Variants in ESRRG observed in about 807,000 individuals in gnomAD.
The protein encoded by ESRRG is estrogen-related receptor gamma.
Under a neutral mutation model 44.0 loss-of-function variants are expected in ESRRG, and 13 were observed. The observed-to-expected ratio is 0.30, with a 90% CI of 0.19 to 0.47. ESRRG has a LOEUF of 0.47. ESRRG is among the 20% of genes least tolerant of loss of function. ESRRG has a pLI of 1.00. For synonymous variants in ESRRG, 215 were observed against 214.6 expected, an observed-to-expected ratio of 1.00 and a Z score of -0.02; for missense variants, 395 against 580.6, an observed-to-expected ratio of 0.68 and a Z score of 3.29.
intron 3 of ESRRG, among the ~76,000 whole-genome samples, chr1:216,644,676 A>G (rs1004607713): frequency 6.6e-6 from 1 of 151,664 alleles, no homozygotes; most frequent in Non-Finnish European, 1.5e-5. Context: ...TACTCAAGCA[A>G]CCCTCCCACC....
intron 2 of ESRRG, among the ~76,000 whole-genome samples, chr1:216,832,037 G>C (rs1266317334): frequency 2.0e-5 from 3 of 152,142 alleles, no homozygotes; most frequent in Non-Finnish European, 4.4e-5. Context: ...GGTGCCCACA[G>C]GTCCCTCTGG....
intron 2 of ESRRG, among the ~76,000 whole-genome samples, chr1:216,834,024 C>T (rs995728482): frequency 9.2e-5 from 14 of 152,134 alleles, no homozygotes; most frequent in East Asian, 7.7e-4. Flanking sequence ...CAAACAACAG[C>T]GCTGCAGTGA....
intron 1 of ESRRG, among the ~76,000 whole-genome samples, chr1:216,996,486 G>T (rs1359030852): frequency 6.6e-6 from 1 of 151,274 alleles, no homozygotes. Flanking sequence ...AGGGAGAAAT[G>T]GAATATAGTA....
chr1:217,069,744 C>T (rs1290525929), intron 1 of ESRRG, among the ~76,000 whole-genome samples: 1 of 152,154 alleles, frequency 6.6e-6, no homozygotes, highest in Non-Finnish European at 1.5e-5. Flanking sequence ...TCGGCCACAT[C>T]ACAGAAGCAG....
rs2040732658 is a variant in ESRRG, at chr1:216,503,729, TATC to T, written c.*3207_*3209del. On this transcript the variant is annotated 3_prime_UTR_variant, in exon 7 of 7. Transcript: ENST00000408911. ...TTTAAATTTTTTATATCTTTTATGT[TATC>T]ATTTAAATGCAAAATAGTGGAATAA... 1.3e-5 allele frequency: 2 copies of T among 152,594 alleles called. No homozygotes were observed. Among genetic ancestry groups the T allele is most frequent in the Non-Finnish European group, 2.9e-5 (2 of 68,012 alleles). The allele number at this position is 152,594 out of a possible 1,614,324, so 9.5% of individuals were successfully genotyped here.
At chr1:216,568,883 T>C (rs2060162211) in intron 3 of ESRRG, among the ~76,000 whole-genome samples, 2 of 151,914 alleles carry the variant, frequency 1.3e-5, no homozygotes, top group African/African-American at 2.4e-5. Flanking sequence ...GAAGAAACCC[T>C]GTCTCTACTA....
intron 2 of ESRRG, among the ~76,000 whole-genome samples, chr1:216,810,109 G>T (rs1468735169): frequency 6.6e-6 from 1 of 152,092 alleles, no homozygotes; most frequent in Admixed American, 6.6e-5. Context: ...AATCTTTTAT[G>T]AGTGGTGGTG....
At chr1:217,038,157 C>T (rs1274236387) in intron 1 of ESRRG, among the ~76,000 whole-genome samples, 1 of 152,216 alleles carries the variant, frequency 6.6e-6, no homozygotes, top group Non-Finnish European at 1.5e-5. Flanking sequence ...CACCGCTCCA[C>T]TAGGCAGTGC....
chr1:217,124,599 C>T (rs2092864761), intron 1 of ESRRG, among the ~76,000 whole-genome samples: 1 of 152,144 alleles, frequency 6.6e-6, no homozygotes, highest in Admixed American at 6.5e-5. Context: ...TATTTAAATC[C>T]ATCCATCAGA....
At chr1:216,965,335 T>G (rs1333997610) in intron 1 of ESRRG, among the ~76,000 whole-genome samples, 2 of 128,420 alleles carry the variant, frequency 1.6e-5, no homozygotes, top group African/African-American at 5.0e-5. Flanking sequence ...AGCAGCTCCA[T>G]TTTTTCAAGA....
At chr1:216,751,542 A>C (rs140883366) in intron 2 of ESRRG, among the ~76,000 whole-genome samples, 1 of 151,896 alleles carries the variant, frequency 6.6e-6, no homozygotes, top group South Asian at 2.1e-4. Context: ...TGTCCCTTTC[A>C]TCTGCCCTTT....
chr1:216,561,010 T>C (rs901460550), intron 5 of ESRRG, among the ~76,000 whole-genome samples: 1 of 152,114 alleles, frequency 6.6e-6, no homozygotes, highest in Admixed American at 6.5e-5. Context: ...CCAACTAAAG[T>C]CAAGCATTTT....
chr1:216,738,183 T>C (rs1423170177), intron 2 of ESRRG, among the ~76,000 whole-genome samples: 1 of 152,050 alleles, frequency 6.6e-6, no homozygotes, highest in African/African-American at 2.4e-5. Flanking sequence ...TAAGATCTAC[T>C]GGGGTTTCAA....
intron 2 of ESRRG, among the ~76,000 whole-genome samples, chr1:216,866,295 A>T (rs1317187266): frequency 6.6e-6 from 1 of 152,206 alleles, no homozygotes; most frequent in African/African-American, 2.4e-5. Context: ...TTCACATCCA[A>T]TATCATACAT....
In ESRRG at chr1:216,919,048, AT is replaced by A. The variant is rs2061517065; in HGVS notation, c.-14+20533del. 3.3e-5 allele frequency among the ~76,000 whole-genome samples: 5 copies of A among 152,192 alleles called. No individual in the cohort carries two copies. The South Asian group carries it at 1.0e-3, about 32-fold the overall frequency. On this transcript the variant is annotated intron_variant, in intron 2 of 7. Transcript: ENST00000359162. ...TAATATCTGGTATTAGCTGTTACAT[AT>A]TTTTATGTCAGTTTCAAAGAATGTA...
intron 1 of ESRRG, among the ~76,000 whole-genome samples, chr1:217,080,633 T>TTTTG (rs200325050): frequency 3.0e-4 from 45 of 151,304 alleles, no homozygotes; most frequent in Admixed American, 7.3e-4. Flanking sequence ...TCTAGTGTTT[T>TTTTG]TTTGTTTGTT....
At chr1:217,055,087 CAGTT>C (rs2086813569) in intron 1 of ESRRG, among the ~76,000 whole-genome samples, 1 of 152,272 alleles carries the variant, frequency 6.6e-6, no homozygotes, top group East Asian at 1.9e-4. Context: ...TTGCTGGTAA[CAGTT>C]AGGGGCTAGA....
At chr1:216,794,800 G>A (rs894774872) in intron 2 of ESRRG, among the ~76,000 whole-genome samples, 6 of 152,178 alleles carry the variant, frequency 3.9e-5, no homozygotes, top group Non-Finnish European at 7.3e-5. Context: ...GAATGAAAAG[G>A]ACAGCCTTTC....
At chr1:216,873,594 G>C (rs2096291442) in intron 2 of ESRRG, among the ~76,000 whole-genome samples, 2 of 151,764 alleles carry the variant, frequency 1.3e-5, no homozygotes. Flanking sequence ...TTTTCTTGGG[G>C]TCCTCTTTTC....
Sources: gnomAD v4.1 joint callset for allele counts (sites outside exome capture counted in the v4.1 genomes callset) on GRCh38, gnomAD v4.1.1 for gene constraint, MANE v1.5 for transcripts, NCBI Gene and HGNC (gene_info 2026-07-23, HGNC 2026-07-21) for gene names.